Variants in AMD1 observed in about 807,000 individuals in gnomAD.
AMD1 encodes the protein S-adenosylmethionine decarboxylase proenzyme.
A neutral mutation model predicts 40.2 loss-of-function variants in AMD1; 11 were observed. That is an observed-to-expected ratio of 0.27 (90% CI 0.17 to 0.45). The LOEUF is 0.45. Among genes scored for constraint, AMD1 ranks in the 20% least tolerant of loss-of-function variants. AMD1 has a pLI of 1.00. For synonymous variants in AMD1, 121 were observed against 130.8 expected, an observed-to-expected ratio of 0.93 and a Z score of 0.51; for missense variants, 257 against 410.2, an observed-to-expected ratio of 0.63 and a Z score of 3.23.
At chr6:110,815,111 A>G in the AMD1 span, 1 of 1,601,508 alleles carries the variant, frequency 6.2e-7, no homozygotes, top group Non-Finnish European at 8.5e-7. Flanking sequence ...CTCCGCCGCC[A>G]GCTTCGCCTT....
chr6:110,888,790 A>G, intron 2 of AMD1, 67 bp from the exon 3 acceptor site: 3 of 1,472,730 alleles, frequency 2.0e-6, no homozygotes, highest in Non-Finnish European at 2.8e-6. Context: ...TGATAATTAA[A>G]TTGGTTGATT....
chr6:110,820,436 A>G, the AMD1 span, among the ~76,000 whole-genome samples: 1 of 151,664 alleles, frequency 6.6e-6, no homozygotes, highest in Non-Finnish European at 1.5e-5. Context: ...GGGTTTCTCC[A>G]TGTTCATCAG....
chr6:110,841,080 C>G, the AMD1 span, among the ~76,000 whole-genome samples: 3 of 152,176 alleles, frequency 2.0e-5, no homozygotes, highest in African/African-American at 7.2e-5. Flanking sequence ...ATGGCACGAT[C>G]TCAGCTCACC....
At chr6:110,859,732 G>A in the AMD1 span, among the ~76,000 whole-genome samples, 5,893 of 152,038 alleles carry the variant, frequency 0.039, 435 homozygotes, top group East Asian at 0.36. Context: ...CCTGGGGCCC[G>A]GTGAGGAAAG....
the AMD1 span, among the ~76,000 whole-genome samples, chr6:110,857,656 GTATATATATATACAGATGGCA>G: frequency 2.3e-5 from 3 of 130,450 alleles, no homozygotes; most frequent in Non-Finnish European, 5.0e-5. Flanking sequence ...TATATAGATG[GTATATATATATACAGATGGCA>G]TATATATATA....
the AMD1 span, among the ~76,000 whole-genome samples, chr6:110,838,652 A>T: frequency 1.3e-5 from 2 of 151,954 alleles, no homozygotes; most frequent in African/African-American, 4.8e-5. Flanking sequence ...TGAGGTCAGG[A>T]GTTTCAGACC....
the AMD1 span, among the ~76,000 whole-genome samples, chr6:110,844,233 A>G: frequency 1.3e-5 from 2 of 151,542 alleles, no homozygotes; most frequent in South Asian, 4.2e-4. Flanking sequence ...ACTTCAAAAA[A>G]AAAGAAAGAA....
chr6:110,845,886 A>T, the AMD1 span, among the ~76,000 whole-genome samples: 2 of 152,232 alleles, frequency 1.3e-5, no homozygotes, highest in Non-Finnish European at 2.9e-5. Context: ...ACCTTGACTA[A>T]TACACCAGTT....
intron 1 of AMD1, among the ~76,000 whole-genome samples, chr6:110,876,753 T>A (rs1256965809): frequency 6.6e-6 from 1 of 152,108 alleles, no homozygotes; most frequent in Non-Finnish European, 1.5e-5. Context: ...AGAAAGATGG[T>A]ATTTGTGATA....
At chr6:110,887,680 G>C in intron 2 of AMD1, 89 bp downstream of exon 2, 1 of 977,504 alleles carries the variant, frequency 1.0e-6, no homozygotes, top group South Asian at 2.0e-5. Context: ...GTAGTTCTGG[G>C]GGTTTTTTTG....
the AMD1 span, among the ~76,000 whole-genome samples, chr6:110,869,590 A>C: frequency 2.0e-5 from 3 of 149,980 alleles, no homozygotes; most frequent in Non-Finnish European, 4.4e-5. Flanking sequence ...GCTCACCCCA[A>C]CCTCCGCCTA....
the AMD1 span, among the ~76,000 whole-genome samples, chr6:110,820,967 C>T: frequency 1.3e-5 from 2 of 152,162 alleles, no homozygotes; most frequent in African/African-American, 2.4e-5. Flanking sequence ...GACAACAGAA[C>T]ATAGTGTGGG....
chr6:110,869,488 A>G, the AMD1 span, among the ~76,000 whole-genome samples: 1 of 143,508 alleles, frequency 7.0e-6, no homozygotes, highest in African/African-American at 2.6e-5. Context: ...GTATCTTTAC[A>G]TGATGTTTTA....
At chr6:110,887,961 T>G (rs1785787488) in intron 2 of AMD1, among the ~76,000 whole-genome samples, 1 of 152,078 alleles carries the variant, frequency 6.6e-6, no homozygotes, top group African/African-American at 2.4e-5. Context: ...GCTGGGATTA[T>G]ACACGTGAGC....
Position 110,879,857 on chromosome 6 carries a change from A to T in AMD1, c.110+4642A>T, listed in dbSNP as rs1312941834. ...ATAAAAATTTGCAGGCATCATCCTCAGAAAGTGTCTGACCTAACTGGGTAT... is the reference window on the plus strand; with the variant it reads ...ATAAAAATTTGCAGGCATCATCCTCTGAAAGTGTCTGACCTAACTGGGTAT... On this transcript the variant is annotated intron_variant, in intron 1 of 8. Transcript: ENST00000368885. Among the ~76,000 whole-genome samples, 3 of 152,334 alleles carry T rather than the reference A, an allele frequency of 2.0e-5. No individual in the cohort carries two copies. The South Asian group carries it at 6.2e-4, about 32-fold the overall frequency.
the AMD1 span, chr6:110,814,825 G>C: frequency 5.1e-6 from 4 of 783,380 alleles, no homozygotes; most frequent in Non-Finnish European, 8.3e-6. Context: ...GGTACGCGAC[G>C]GGGCCGCGCG....
At chr6:110,877,254 TAAAGC>T (rs566420757) in intron 1 of AMD1, among the ~76,000 whole-genome samples, 178 of 152,364 alleles carry the variant, frequency 1.2e-3, no homozygotes, top group African/African-American at 4.1e-3. Flanking sequence ...CTGTTGTAGA[TAAAGC>T]AAGTTAAGCA....
chr6:110,865,390 A>G, the AMD1 span, among the ~76,000 whole-genome samples: 1 of 152,150 alleles, frequency 6.6e-6, no homozygotes, highest in Admixed American at 6.6e-5. Flanking sequence ...AAAATTGCAG[A>G]TAGTTTTTTT....
chr6:110,839,790 T>C, the AMD1 span, among the ~76,000 whole-genome samples: 3 of 152,170 alleles, frequency 2.0e-5, no homozygotes, highest in African/African-American at 7.2e-5. Context: ...GCTTAGGCTA[T>C]TGTGAGCCAC....
Sources: gnomAD v4.1 joint callset for allele counts (sites outside exome capture counted in the v4.1 genomes callset) on GRCh38, gnomAD v4.1.1 for gene constraint, MANE v1.5 for transcripts, NCBI Gene and HGNC (gene_info 2026-07-23, HGNC 2026-07-21) for gene names.